FMNL2: variants seen among roughly 807,000 people sequenced by gnomAD.
FMNL2 encodes the protein formin-like protein 2.
A neutral mutation model predicts 130.2 loss-of-function variants in FMNL2; 51 were observed. The observed-to-expected ratio is 0.39, with a 90% CI of 0.31 to 0.49. The LOEUF (loss-of-function observed/expected upper bound fraction) is 0.49. Ranked by LOEUF, FMNL2 falls within the 20% of genes least tolerant of loss-of-function variation. The pLI, the probability that FMNL2 is intolerant of heterozygous loss-of-function variation, is 0.85. For missense variants in FMNL2, 977 were observed against 1,316.2 expected (o/e 0.74, Z 3.99); for synonymous variants, 465 against 467.1 (o/e 1.00, Z 0.06).
chr2:152,520,595 CAAA>C (rs35601593), intron 1 of FMNL2, among the ~76,000 whole-genome samples: 1 of 130,368 alleles, frequency 7.7e-6, no homozygotes, highest in Non-Finnish European at 1.6e-5. Flanking sequence ...AACCCCATCT[CAAA>C]AAAAAAAAAA....
At chr2:152,359,521 G>C (rs1296631016) in intron 1 of FMNL2, among the ~76,000 whole-genome samples, 2 of 146,214 alleles carry the variant, frequency 1.4e-5, no homozygotes. Context: ...ACAACTAAAG[G>C]AACTAGGGAG....
chr2:152,627,693 G>A (rs1187036424), intron 17 of FMNL2, among the ~76,000 whole-genome samples: 2 of 152,146 alleles, frequency 1.3e-5, no homozygotes, highest in African/African-American at 4.8e-5. Flanking sequence ...AGAGAATAGA[G>A]ACTGTAACAA....
chr2:152,602,578 G>A (rs555199597), intron 9 of FMNL2, among the ~76,000 whole-genome samples: 14 of 152,210 alleles, frequency 9.2e-5, no homozygotes, highest in Middle Eastern at 3.4e-3. Context: ...CAAAGCTGGT[G>A]GGAGAACGAG....
At chr2:152,580,036 T>C (rs1696694373) in intron 8 of FMNL2, among the ~76,000 whole-genome samples, 3 of 152,222 alleles carry the variant, frequency 2.0e-5, no homozygotes, top group Admixed American at 2.0e-4. Flanking sequence ...CTTTCAAACT[T>C]CCCCTGATTA....
At chr2:152,448,794 G>C (rs144457053) in intron 1 of FMNL2, among the ~76,000 whole-genome samples, 61 of 152,314 alleles carry the variant, frequency 4.0e-4, no homozygotes, top group African/African-American at 1.4e-3. Context: ...GAAAATCCTT[G>C]GAGAGTGCTG....
intron 21 of FMNL2, among the ~76,000 whole-genome samples, chr2:152,634,110 C>T (rs375857970): frequency 2.6e-5 from 4 of 152,098 alleles, no homozygotes; most frequent in Admixed American, 1.3e-4. Context: ...GATTTTGGAC[C>T]GTGAATTATC....
chr2:152,488,394 G>T (rs959132272), intron 1 of FMNL2, among the ~76,000 whole-genome samples: 1 of 152,170 alleles, frequency 6.6e-6, no homozygotes, highest in African/African-American at 2.4e-5. Flanking sequence ...TGTTTTATTG[G>T]CATTGAAGGC....
intron 1 of FMNL2, among the ~76,000 whole-genome samples, chr2:152,344,517 A>C (rs1682001149): frequency 6.6e-6 from 1 of 152,244 alleles, no homozygotes; most frequent in Admixed American, 6.5e-5. Context: ...AACAAGATGA[A>C]AAAATACAGA....
At chr2:152,476,644 A>G (rs1690166028) in intron 1 of FMNL2, among the ~76,000 whole-genome samples, 1 of 151,826 alleles carries the variant, frequency 6.6e-6, no homozygotes, top group Non-Finnish European at 1.5e-5. Flanking sequence ...GTGAGCAGTG[A>G]TTATACCATT....
At chr2:152,621,147 T>G in intron 15 of FMNL2, 1 of 985,334 alleles carries the variant, frequency 1.0e-6, no homozygotes, top group East Asian at 1.1e-4. Flanking sequence ...CCACCCTGAT[T>G]AGGCACTCTT....
At position 152,398,003 on chromosome 2, in the gene FMNL2, T is replaced by C. The variant is rs553312030; in HGVS notation, c.117+62283T>C. Among the ~76,000 whole-genome samples, 76 of 152,268 alleles carry C rather than the reference T, an allele frequency of 5.0e-4. 1 individual carries two copies. The South Asian group carries it at 0.014, about 29-fold the overall frequency. On this transcript the variant is annotated intron_variant, in intron 1 of 25. Coordinates refer to ENST00000288670, the MANE Select transcript of FMNL2 (RefSeq NM_052905.4). Reference sequence around the variant, plus strand: ...ATCTGGGTGTGGTGGCAGGTGCCTGTAATCCCAGCCTTGGGAGGCTGAGGC... The same window carrying C: ...ATCTGGGTGTGGTGGCAGGTGCCTGCAATCCCAGCCTTGGGAGGCTGAGGC...
In FMNL2 at chr2:152,647,965, T is replaced by TACCA; in HGVS notation, c.*60_*61insACCA. 1 of 1,361,482 alleles carries TACCA rather than the reference T, an allele frequency of 7.3e-7. No individual in the cohort carries two copies. Among genetic ancestry groups the TACCA allele is most frequent in the South Asian group, 1.3e-5 (1 of 75,768 alleles). The allele number at this position is 1,361,482 out of a possible 1,614,324, so 84.3% of individuals were successfully genotyped here. A position where few individuals can be genotyped will look rare whatever the true frequency, so the allele number is the denominator to read the frequency against. Reference sequence around the variant, plus strand: ...GTGAATGAAACTGCCCACATGAACTTTATGTGCTACGATTTAACTGCAGCC... The same window carrying TACCA: ...GTGAATGAAACTGCCCACATGAACTTACCATATGTGCTACGATTTAACTGCAGCC... On this transcript the variant is annotated 3_prime_UTR_variant, in exon 26 of 26. Coordinates refer to ENST00000288670, the MANE Select transcript of FMNL2 (RefSeq NM_052905.4).
intron 1 of FMNL2, among the ~76,000 whole-genome samples, chr2:152,444,848 T>C (rs1355618561): frequency 6.6e-6 from 1 of 152,212 alleles, no homozygotes; most frequent in African/African-American, 2.4e-5. Flanking sequence ...TGAGGTCATA[T>C]GACCATCAAT....
rs1351241434 is a variant in FMNL2, at chr2:152,335,339, C to T, written c.-265C>T. The T allele has an allele frequency of 2.3e-5, 5 of 214,076 alleles. No homozygotes were observed. In the East Asian group the frequency reaches 4.2e-4, roughly 18 times the overall value. 13.3% of individuals were successfully genotyped at this position (214,076 alleles called of 1,614,324 possible). A position where few individuals can be genotyped will look rare whatever the true frequency, so the allele number is the denominator to read the frequency against. On this transcript the variant is annotated 5_prime_UTR_variant, in exon 1 of 26. Transcript: ENST00000288670. ...GCCAGCGGAGCACCATGCACATAGG[C>T]GCCCAGCGCCCCAACTACCCCTCCC...
At chr2:152,386,703 GATTTCTT>G (rs1451147985) in intron 1 of FMNL2, among the ~76,000 whole-genome samples, 1 of 152,130 alleles carries the variant, frequency 6.6e-6, no homozygotes, top group Admixed American at 6.5e-5. Flanking sequence ...GAGGCCTGGA[GATTTCTT>G]ACACAGAGGT....
chr2:152,358,477 C>A (rs1419060116), intron 1 of FMNL2, among the ~76,000 whole-genome samples: 1 of 151,936 alleles, frequency 6.6e-6, no homozygotes, highest in African/African-American at 2.4e-5. Context: ...TGGTGAAAAA[C>A]CCCTGTCTAC....
chr2:152,539,596 G>A (rs1055368200), intron 2 of FMNL2, among the ~76,000 whole-genome samples: 5 of 152,176 alleles, frequency 3.3e-5, no homozygotes, highest in Non-Finnish European at 7.3e-5. Flanking sequence ...AACAAATGAA[G>A]AATATGTGGA....
chr2:152,336,827 CA>C (rs557118726), intron 1 of FMNL2, among the ~76,000 whole-genome samples: 297 of 152,332 alleles, frequency 1.9e-3, no homozygotes, highest in Non-Finnish European at 3.3e-3. Flanking sequence ...CAAGACTAGG[CA>C]GCAAGGGAAA....
intron 25 of FMNL2, among the ~76,000 whole-genome samples, chr2:152,645,096 C>T (rs1429736421): frequency 2.0e-5 from 3 of 152,222 alleles, no homozygotes; most frequent in Admixed American, 2.0e-4. Flanking sequence ...GTGTCATTGC[C>T]TGCTCTGCAG....
Sources: allele counts gnomAD v4.1 joint callset (sites outside exome capture counted in the v4.1 genomes callset), GRCh38; gene constraint gnomAD v4.1.1; transcripts MANE v1.5; gene names NCBI Gene and HGNC (gene_info 2026-07-23, HGNC 2026-07-21).